RAPGEF6: variants seen among roughly 807,000 people sequenced by gnomAD.
RAPGEF6 encodes PDZ domain containing guanine nucleotide exchange factor (GEF) 2.
In RAPGEF6, 56 loss-of-function variants were observed where a neutral mutation model predicts 171.4. The ratio of observed to expected loss-of-function variants is 0.33; its 90% CI spans 0.26 to 0.41. RAPGEF6 has a LOEUF of 0.41. Among genes scored for constraint, RAPGEF6 ranks in the 10% least tolerant of loss-of-function variants. RAPGEF6 has a pLI of 1.00. For missense variants in RAPGEF6, 1,674 were observed against 1,921.4 expected (o/e 0.87, Z 2.41); for synonymous variants, 692 against 650.1 (o/e 1.06, Z -0.98).
In RAPGEF6 at chr5:131,490,898, T is replaced by C. The variant is rs146883713; in HGVS notation, c.1732-1244A>G. On this transcript the variant is annotated intron_variant, in intron 14 of 27. Transcript: ENST00000509018. ...TGCTTGTTTAAAAGCTTATGAAACTTAACTCAAACATCAAAAGCCTTCTTG... is the reference window on the plus strand; with the variant it reads ...TGCTTGTTTAAAAGCTTATGAAACTCAACTCAAACATCAAAAGCCTTCTTG... 7.2e-5 allele frequency among the ~76,000 whole-genome samples: 11 copies of C among 152,314 alleles called. No homozygotes were observed. The East Asian group carries it at 2.1e-3, about 29-fold the overall frequency.
Position 131,629,032 on chromosome 5 carries a change from C to CATG in RAPGEF6, c.69+5927_69+5929dup, listed in dbSNP as rs1339156212. The stretch of plus-strand genomic sequence containing the variant: ...CTAATACAACATCCATTCTGTGGCC[C>CATG]ATGGATCAAGGAAAAGTTTCAACCT... On this transcript the variant is annotated intron_variant, in intron 1 of 27. Transcript: ENST00000509018. Among the ~76,000 whole-genome samples the CATG allele has an allele frequency of 4.6e-5, 7 of 152,178 alleles. No individual in the cohort carries two copies. The East Asian group carries it at 1.4e-3, about 29-fold the overall frequency.
At chr5:131,512,269 C>G (rs1180398028) in intron 7 of RAPGEF6, among the ~76,000 whole-genome samples, 1 of 151,936 alleles carries the variant, frequency 6.6e-6, no homozygotes, top group Non-Finnish European at 1.5e-5. Context: ...AACAGGCAGA[C>G]GGGGCAGACG....
intron 26 of RAPGEF6, among the ~76,000 whole-genome samples, chr5:131,430,311 C>T (rs1751620195): frequency 6.6e-6 from 1 of 151,274 alleles, no homozygotes; most frequent in African/African-American, 2.4e-5. Flanking sequence ...ATTTGATGGC[C>T]AAATACTAAA....
intron 15 of RAPGEF6, among the ~76,000 whole-genome samples, chr5:131,486,073 C>T (rs1186273737): frequency 1.3e-5 from 2 of 152,156 alleles, no homozygotes; most frequent in East Asian, 3.8e-4. Flanking sequence ...TTCTTGGTCA[C>T]CTAGATGGTC....
chr5:131,439,610 G>A lies in RAPGEF6; in HGVS notation c.3716C>T (p.Pro1239Leu), dbSNP rs1461293976. The change falls in exon 24 of 28, where the codon CCT (proline) becomes CTT (leucine). Residue 1239 changes from proline to leucine, a missense_variant. This residue lies in a region of RAPGEF6 where 552 missense variants were observed against 574.2 expected (regional missense o/e 0.96). Coordinates refer to ENST00000509018, the MANE Select transcript of RAPGEF6 (RefSeq NM_016340.6). ...SVASSLHSSP[P>L]ASPQGSPHKG... ...GTGAGGGGAGCCTTGAGGAGATGCA[G>A]GAGGACTAGAATGTAAAGATGACGC... The A allele has an allele frequency of 5.6e-6, 9 of 1,612,278 alleles. No individual in the cohort carries two copies. Among genetic ancestry groups the A allele is most frequent in the Non-Finnish European group, 7.6e-6 (9 of 1,178,984 alleles).
At chr5:131,534,384 T>C (rs1418935858) in intron 6 of RAPGEF6, among the ~76,000 whole-genome samples, 1 of 152,178 alleles carries the variant, frequency 6.6e-6, no homozygotes. Flanking sequence ...AAGTATAATT[T>C]TGAACAAAGA....
intron 11 of RAPGEF6, among the ~76,000 whole-genome samples, chr5:131,499,451 G>A (rs1015003221): frequency 8.6e-5 from 13 of 151,650 alleles, no homozygotes; most frequent in African/African-American, 2.9e-4. Context: ...TGTGGTGGCC[G>A]GCGCCTATAA....
chr5:131,443,857 TAAGTG>T (rs1316946285), intron 22 of RAPGEF6, among the ~76,000 whole-genome samples: 1 of 152,232 alleles, frequency 6.6e-6, no homozygotes, highest in African/African-American at 2.4e-5. Flanking sequence ...GTTGAATAAA[TAAGTG>T]AAATTATCTC....
Position 131,486,814 on chromosome 5 carries a change from C to T in RAPGEF6, c.1840+2732G>A, listed in dbSNP as rs183082428. On this transcript the variant is annotated intron_variant, in intron 15 of 27. Transcript: ENST00000509018. ...GCGCAATCTCGGCTCACTGCAAGCT[C>T]TGCCTCTCAAGGGATAAATTTTTAA... Among the ~76,000 whole-genome samples, 30 of 149,634 alleles carry T rather than the reference C, an allele frequency of 2.0e-4. 1 individual carries two copies. The South Asian group carries it at 2.1e-3, about 10-fold the overall frequency.
At chr5:131,458,164 T>A (rs943060557) in intron 19 of RAPGEF6, among the ~76,000 whole-genome samples, 11 of 152,162 alleles carry the variant, frequency 7.2e-5, no homozygotes, top group Non-Finnish European at 1.6e-4. Context: ...TGGTTCTGTG[T>A]CCCCACCCAA....
intron 1 of RAPGEF6, among the ~76,000 whole-genome samples, chr5:131,605,493 A>C (rs1378569787): frequency 6.6e-6 from 1 of 152,198 alleles, no homozygotes; most frequent in African/African-American, 2.4e-5. Flanking sequence ...AAAGTATAAT[A>C]AAAAATAAAT....
rs1012835384 is a variant in RAPGEF6 at position 131,426,128 on chromosome 5, T to C, written c.*1138A>G. 10 of 152,218 alleles carry C rather than the reference T, an allele frequency of 6.6e-5. No homozygotes were observed. Among genetic ancestry groups the C allele is most frequent in the East Asian group, 1.9e-4 (1 of 5,336 alleles). 9.4% of individuals were successfully genotyped at this position (152,218 alleles called of 1,614,324 possible). The stretch of plus-strand genomic sequence containing the variant: ...AAAACTGAGAACCAAGAGACAATCA[T>C]TTCTGTAACTCCAGCTCCTCTTTCT... On this transcript the variant is annotated 3_prime_UTR_variant, in exon 28 of 28. Transcript: ENST00000509018.
chr5:131,610,590 G>A (rs1021343640), intron 1 of RAPGEF6, among the ~76,000 whole-genome samples: 1 of 152,232 alleles, frequency 6.6e-6, no homozygotes, highest in East Asian at 1.9e-4. Context: ...GACATTTCAG[G>A]AAAGAAGGCT....
chr5:131,462,102 T>A lies in RAPGEF6; in HGVS notation c.2481-14A>T, dbSNP rs763332968. On this transcript the variant is annotated splice_polypyrimidine_tract_variant and intron_variant, in intron 18 of 27. Coordinates refer to ENST00000509018, the MANE Select transcript of RAPGEF6 (RefSeq NM_016340.6). The stretch of plus-strand genomic sequence containing the variant: ...TTTAAGTAATACCTAAATGGAAAAA[T>A]TTTTTTAAATAAATGTATTCATAAA... The A allele has an allele frequency of 1.2e-5, 18 of 1,452,398 alleles. No homozygotes were observed. The highest frequency in any genetic ancestry group is 7.5e-5 in the East Asian group (3 of 40,248). The allele number at this position is 1,452,398 out of a possible 1,614,324, so 90.0% of individuals were successfully genotyped here.
chr5:131,629,951 CA>C (rs1467860480), intron 1 of RAPGEF6, among the ~76,000 whole-genome samples: 2 of 152,030 alleles, frequency 1.3e-5, no homozygotes, highest in Non-Finnish European at 2.9e-5. Flanking sequence ...CAAATGACAA[CA>C]AAGAATTTAG....
chr5:131,534,400 T>A (rs1370552622), intron 6 of RAPGEF6, among the ~76,000 whole-genome samples: 1 of 152,192 alleles, frequency 6.6e-6, no homozygotes, highest in Non-Finnish European at 1.5e-5. Flanking sequence ...AAAGACAAGT[T>A]ATGCTTTCAA....
Position 131,509,536 on chromosome 5 carries a change from C to T in RAPGEF6, c.805+778G>A, listed in dbSNP as rs192609891. ...CCAGCCTGGGCGACAGAGTGAGACA[C>T]CGTCTCAAAAAAAAAAATAAGAGTA... On this transcript the variant is annotated intron_variant, in intron 8 of 27. Transcript: ENST00000509018. Among the ~76,000 whole-genome samples, 23 of 146,272 alleles carry T rather than the reference C, an allele frequency of 1.6e-4. No homozygotes were observed. In the East Asian group the frequency reaches 4.1e-3, roughly 26 times the overall value.
At chr5:131,449,197 A>G (rs1399583555) in intron 21 of RAPGEF6, among the ~76,000 whole-genome samples, 2 of 152,230 alleles carry the variant, frequency 1.3e-5, no homozygotes, top group African/African-American at 4.8e-5. Context: ...TAGATGATAT[A>G]TAAGATCTTT....
chr5:131,535,482 G>T (rs1489355559), intron 6 of RAPGEF6, among the ~76,000 whole-genome samples: 1 of 152,200 alleles, frequency 6.6e-6, no homozygotes, highest in African/African-American at 2.4e-5. Flanking sequence ...ATTAAGTGCA[G>T]CAAAGGAGAA....
Sources: gnomAD v4.1 joint callset for allele counts (sites outside exome capture counted in the v4.1 genomes callset) on GRCh38, gnomAD v4.1.1 for gene constraint, gnomAD v4.1.1 regional missense constraint, MANE v1.5 for transcripts, NCBI Gene and HGNC (gene_info 2026-07-23, HGNC 2026-07-21) for gene names.